Variants in BMERB1 observed in about 807,000 individuals in gnomAD.
BMERB1 encodes bMERB domain containing 1, also known as bMERB domain-containing protein 1.
BMERB1 carries 12 observed loss-of-function variants against 23.6 expected under a neutral mutation model. The ratio of observed to expected loss-of-function variants is 0.51; its 90% CI spans 0.33 to 0.82. The LOEUF (loss-of-function observed/expected upper bound fraction) is 0.82. BMERB1 is among the 40% of genes least tolerant of loss of function. BMERB1 has a pLI of 0.03. For synonymous variants in BMERB1, 122 were observed against 96.6 expected (o/e 1.26, Z -1.54); for missense variants, 247 against 255.4 (o/e 0.97, Z 0.22).
At chr16:15,531,908 G>A (rs995403093) in intron 2 of BMERB1, among the ~76,000 whole-genome samples, 3 of 152,136 alleles carry the variant, frequency 2.0e-5, no homozygotes, top group Non-Finnish European at 2.9e-5. Flanking sequence ...GACAGTTCTA[G>A]GACAGGATGC....
chr16:15,581,672 T>C (rs1047024140), intron 4 of BMERB1, among the ~76,000 whole-genome samples: 9 of 152,156 alleles, frequency 5.9e-5, no homozygotes, highest in African/African-American at 2.2e-4. Flanking sequence ...CTACCGAAAC[T>C]CTGCCACCTG....
At chr16:15,581,959 C>T (rs1262684782) in intron 4 of BMERB1, among the ~76,000 whole-genome samples, 1 of 152,236 alleles carries the variant, frequency 6.6e-6, no homozygotes, top group Non-Finnish European at 1.5e-5. Flanking sequence ...GCCCTTCCAA[C>T]CCAGAGGGCA....
In BMERB1 at chr16:15,556,063, C is replaced by T. The variant is rs537849885; in HGVS notation, c.231-11920C>T. ...GCATGGTGGCAAGTGCCTGTTATCT[C>T]AGCTACTTGGGAGGCTGAGGCAGGA... On this transcript the variant is annotated intron_variant, in intron 2 of 5. Transcript: ENST00000300006. 9.2e-5 allele frequency among the ~76,000 whole-genome samples: 14 copies of T among 152,024 alleles called. No homozygotes were observed. The South Asian group carries it at 2.9e-3, about 32-fold the overall frequency.
chr16:15,533,151 A>G (rs1369055781), intron 2 of BMERB1: 1 of 338,262 alleles, frequency 3.0e-6, no homozygotes, highest in Non-Finnish European at 5.8e-6. Context: ...TGCTCATTAA[A>G]TGTTACTTTC....
intron 1 of BMERB1, among the ~76,000 whole-genome samples, chr16:15,450,478 G>T (rs2051032413): frequency 6.6e-6 from 1 of 151,648 alleles, no homozygotes; most frequent in African/African-American, 2.4e-5. Flanking sequence ...ATCACAGCTG[G>T]CTTTTTTTTT....
chr16:15,535,361 A>C (rs1309432012), intron 2 of BMERB1, among the ~76,000 whole-genome samples: 1 of 151,762 alleles, frequency 6.6e-6, no homozygotes, highest in Non-Finnish European at 1.5e-5. Context: ...AAAAAGAAGA[A>C]AGAGGGCCAG....
In BMERB1 at chr16:15,511,637, A is replaced by C. The variant is rs754961825; in HGVS notation, c.107-3668A>C. Among the ~76,000 whole-genome samples, 7 of 152,172 alleles carry C rather than the reference A, an allele frequency of 4.6e-5. No homozygotes were observed. The South Asian group carries it at 1.4e-3, about 32-fold the overall frequency. On this transcript the variant is annotated intron_variant, in intron 1 of 5. Transcript: ENST00000300006. ...GGAGAAAATCTTCAATAGGCTGATG[A>C]CTGACAGGTCAAATATTTTCCTCTC...
chr16:15,452,916 A>G (rs533961878), intron 1 of BMERB1, among the ~76,000 whole-genome samples: 24 of 152,326 alleles, frequency 1.6e-4, no homozygotes, highest in African/African-American at 4.8e-4. Flanking sequence ...AGGTGCTATC[A>G]TGAGAGAAAG....
intron 1 of BMERB1, among the ~76,000 whole-genome samples, chr16:15,442,662 C>G (rs971882173): frequency 3.3e-5 from 5 of 152,070 alleles, no homozygotes; most frequent in East Asian, 1.9e-4. Context: ...TGAACTTGAG[C>G]TTATTAAATT....
At position 15,481,017 on chromosome 16, in the gene BMERB1, T is replaced by G. The variant is rs1463817051; in HGVS notation, c.107-34288T>G. 2.6e-5 allele frequency among the ~76,000 whole-genome samples: 4 copies of G among 152,174 alleles called. No homozygotes were observed. The East Asian group carries it at 7.7e-4, about 29-fold the overall frequency. On this transcript the variant is annotated intron_variant, in intron 1 of 5. Coordinates refer to ENST00000300006, the MANE Select transcript of BMERB1 (RefSeq NM_033201.3). Reference sequence around the variant, plus strand: ...AGCATTGTGTCTAATAATAAAAAATTAGAATCAGTCTAAGAGTCCATCCAT... The same window carrying G: ...AGCATTGTGTCTAATAATAAAAAATGAGAATCAGTCTAAGAGTCCATCCAT...
At chr16:15,497,346 G>C (rs2051483218) in intron 1 of BMERB1, among the ~76,000 whole-genome samples, 1 of 152,174 alleles carries the variant, frequency 6.6e-6, no homozygotes, top group Non-Finnish European at 1.5e-5. Flanking sequence ...GAGGGGTCTG[G>C]CATCTCATTG....
At position 15,587,118 on chromosome 16, in the gene BMERB1, A is replaced by C; in HGVS notation, c.*289A>C. The C allele has an allele frequency of 2.4e-6, 1 of 414,004 alleles. No homozygotes were observed. Among genetic ancestry groups the C allele is most frequent in the Non-Finnish European group, 4.4e-6 (1 of 229,434 alleles). The allele number at this position is 414,004 out of a possible 1,614,324, so 25.6% of individuals were successfully genotyped here. A position where few individuals can be genotyped will look rare whatever the true frequency, so the allele number is the denominator to read the frequency against. ...GAAAGGTCCTCCCTCAAAAAAGCAT[A>C]TCTCCACTTCTCTCTAGCTGTATCT... On this transcript the variant is annotated 3_prime_UTR_variant, in exon 6 of 6. Transcript: ENST00000300006.
At chr16:15,498,365 C>G (rs2051495590) in intron 1 of BMERB1, among the ~76,000 whole-genome samples, 1 of 151,930 alleles carries the variant, frequency 6.6e-6, no homozygotes, top group African/African-American at 2.4e-5. Flanking sequence ...GAGACTCCGT[C>G]TCTACAAAAT....
At chr16:15,476,402 A>G (rs965021488) in intron 1 of BMERB1, among the ~76,000 whole-genome samples, 4 of 152,096 alleles carry the variant, frequency 2.6e-5, no homozygotes, top group Non-Finnish European at 5.9e-5. Context: ...ACCTCAGGCA[A>G]TTCACCCACC....
intron 1 of BMERB1, among the ~76,000 whole-genome samples, chr16:15,443,373 G>A (rs1453210508): frequency 9.0e-6 from 1 of 111,532 alleles, no homozygotes; most frequent in Non-Finnish European, 1.9e-5. Flanking sequence ...GGGCAATGTG[G>A]CGAAACCCTG....
chr16:15,533,554 G>A (rs2051990971), intron 2 of BMERB1, among the ~76,000 whole-genome samples: 1 of 152,038 alleles, frequency 6.6e-6, no homozygotes, highest in African/African-American at 2.4e-5. Context: ...CTCAGGTGTA[G>A]GGGGGCTTGA....
chr16:15,541,542 G>A (rs2150963006), intron 2 of BMERB1, among the ~76,000 whole-genome samples: 1 of 143,938 alleles, frequency 6.9e-6, no homozygotes, highest in East Asian at 2.1e-4. Context: ...TCCTGCTTCA[G>A]CCTCACAAGT....
intron 2 of BMERB1, among the ~76,000 whole-genome samples, chr16:15,540,025 C>T (rs1164486942): frequency 1.3e-5 from 2 of 151,760 alleles, no homozygotes; most frequent in South Asian, 2.1e-4. Flanking sequence ...TGCTGGAGTG[C>T]ACCTGTAGTA....
At chr16:15,490,129 G>T (rs1004925580) in intron 1 of BMERB1, among the ~76,000 whole-genome samples, 1 of 152,100 alleles carries the variant, frequency 6.6e-6, no homozygotes. Context: ...CTCCCCAAGT[G>T]CTGGGATTAC....
Sources: gnomAD v4.1 joint callset for allele counts (sites outside exome capture counted in the v4.1 genomes callset) on GRCh38, gnomAD v4.1.1 for gene constraint, MANE v1.5 for transcripts, NCBI Gene and HGNC (gene_info 2026-07-23, HGNC 2026-07-21) for gene names.